The following GYG1 variants were observed in gnomAD, a reference collection of about 807,000 sequenced individuals.
GYG1 encodes the protein glycogenin-1.
Under a neutral mutation model 41.9 loss-of-function variants are expected in GYG1, and 44 were observed. That is an observed-to-expected ratio of 1.05 (90% CI 0.83 to 1.35). The LOEUF is 1.35. Among genes scored for constraint, GYG1 ranks in the 40% most tolerant of loss-of-function variants. The probability of loss-of-function intolerance (pLI) is 0.00; values close to 1 mark genes in which losing one functional copy is unlikely to be tolerated. For synonymous variants in GYG1, 141 were observed against 158.1 expected (o/e 0.89, Z 0.81); for missense variants, 429 against 418.9 (o/e 1.02, Z -0.21).
At chr3:149,015,567 A>T (rs1008189165) in intron 5 of GYG1, among the ~76,000 whole-genome samples, 1 of 152,198 alleles carries the variant, frequency 6.6e-6, no homozygotes, top group African/African-American at 2.4e-5. Context: ...GCTCACAGAT[A>T]TGAGGTCAGA....
chr3:149,015,770 T>TG (rs1181374226), intron 5 of GYG1, among the ~76,000 whole-genome samples: 1 of 152,084 alleles, frequency 6.6e-6, no homozygotes, highest in Non-Finnish European at 1.5e-5. Flanking sequence ...GGCAGCTGGA[T>TG]GGGAATGTAG....
At chr3:149,016,975 C>T (rs1187053356) in intron 5 of GYG1, among the ~76,000 whole-genome samples, 1 of 152,056 alleles carries the variant, frequency 6.6e-6, no homozygotes, top group African/African-American at 2.4e-5. Context: ...AGAGAAGTGT[C>T]GCACAAGCAG....
At chr3:149,016,766 G>C (rs1714073414) in intron 5 of GYG1, among the ~76,000 whole-genome samples, 1 of 152,178 alleles carries the variant, frequency 6.6e-6, no homozygotes, top group Non-Finnish European at 1.5e-5. Flanking sequence ...TGGTTACTTG[G>C]GTTTGTGACT....
chr3:149,006,330 C>G (rs1172579541), intron 4 of GYG1, among the ~76,000 whole-genome samples: 1 of 152,120 alleles, frequency 6.6e-6, no homozygotes, highest in African/African-American at 2.4e-5. Flanking sequence ...ATCCACCCAC[C>G]TCGGCCTCCC....
At chr3:149,023,488 G>A (rs550873367) in intron 5 of GYG1, among the ~76,000 whole-genome samples, 3 of 152,204 alleles carry the variant, frequency 2.0e-5, no homozygotes, top group Admixed American at 2.0e-4. Flanking sequence ...CTGCTGGATT[G>A]TACAGCATGA....
chr3:149,006,438 AC>A (rs1486777308), intron 4 of GYG1, among the ~76,000 whole-genome samples: 1 of 152,166 alleles, frequency 6.6e-6, no homozygotes, highest in Non-Finnish European at 1.5e-5. Flanking sequence ...TCCCCTGGCA[AC>A]CATTAATTTG....
intron 5 of GYG1, among the ~76,000 whole-genome samples, chr3:149,018,180 C>T (rs536073197): frequency 1.3e-5 from 2 of 152,198 alleles, no homozygotes; most frequent in East Asian, 3.9e-4. Context: ...AGACATTTCT[C>T]AGAGAACGTA....
chr3:148,996,626 G>T (rs1712808551), intron 3 of GYG1, 116 bp from the exon 4 acceptor site: 2 of 1,179,570 alleles, frequency 1.7e-6, no homozygotes, highest in East Asian at 2.3e-5. Context: ...AGGAGAGGAG[G>T]CCCAGGCTGC....
chr3:149,027,024 A>G lies in GYG1; in HGVS notation c.*91A>G, dbSNP rs191817695. On this transcript the variant is annotated 3_prime_UTR_variant, in exon 8 of 8. Transcript: ENST00000345003. Reference sequence around the variant, plus strand: ...AGCTGGGTTGAGAAAAGTCTGTTACAGTTGCTAGAGGTTTTCATTAAAACT... The same window carrying G: ...AGCTGGGTTGAGAAAAGTCTGTTACGGTTGCTAGAGGTTTTCATTAAAACT... 2.5e-3 allele frequency: 3,376 copies of G among 1,352,218 alleles called. 10 individuals are homozygous for G. The highest frequency in any genetic ancestry group is 3.2e-3 in the Non-Finnish European group (2,977 of 942,900). The allele number at this position is 1,352,218 out of a possible 1,614,324, so 83.8% of individuals were successfully genotyped here. A position where few individuals can be genotyped will look rare whatever the true frequency, so the allele number is the denominator to read the frequency against.
chr3:149,016,267 A>AAC (rs1211917634), intron 5 of GYG1, among the ~76,000 whole-genome samples: 3 of 151,352 alleles, frequency 2.0e-5, no homozygotes, highest in Non-Finnish European at 4.4e-5. Flanking sequence ...TCTCAAAAAA[A>AAC]AAAAAAAAAC....
intron 4 of GYG1, 150 bp downstream of exon 4, chr3:148,997,054 T>TGTG (rs1000559674): frequency 3.6e-5 from 22 of 606,864 alleles, no homozygotes; most frequent in African/African-American, 3.6e-4. Flanking sequence ...CTGGGAAATA[T>TGTG]TGTGTGTGTG....
chr3:149,007,752 T>C (rs1247227142), intron 4 of GYG1, among the ~76,000 whole-genome samples: 2 of 152,218 alleles, frequency 1.3e-5, no homozygotes, highest in Non-Finnish European at 2.9e-5. Flanking sequence ...GCAGTATTCC[T>C]GCCTGATGCT....
At chr3:148,998,331 A>G (rs1302628859) in intron 4 of GYG1, among the ~76,000 whole-genome samples, 1 of 152,208 alleles carries the variant, frequency 6.6e-6, no homozygotes, top group African/African-American at 2.4e-5. Context: ...ATGTCCCCCA[A>G]AGGACATTTG....
At chr3:148,998,579 G>C (rs893911161) in intron 4 of GYG1, among the ~76,000 whole-genome samples, 7 of 152,198 alleles carry the variant, frequency 4.6e-5, no homozygotes, top group Non-Finnish European at 1.0e-4. Context: ...CTAACAAGAA[G>C]TGAAGTCTTG....
intron 1 of GYG1, among the ~76,000 whole-genome samples, chr3:148,993,733 A>T (rs1021276034): frequency 6.6e-6 from 1 of 152,214 alleles, no homozygotes; most frequent in African/African-American, 2.4e-5. Context: ...GACTGACTGA[A>T]TTGAGTTTGA....
intron 4 of GYG1, among the ~76,000 whole-genome samples, chr3:149,006,372 C>A (rs149719986): frequency 6.6e-6 from 1 of 152,246 alleles, no homozygotes; most frequent in Non-Finnish European, 1.5e-5. Flanking sequence ...TGAGCCACTG[C>A]GCCTGGCCCA....
intron 4 of GYG1, chr3:149,003,987 C>T (rs932238203): frequency 2.0e-4 from 31 of 152,330 alleles, no homozygotes; most frequent in Admixed American, 5.9e-4. Flanking sequence ...TAAATGCATC[C>T]ATGGTTACCA....
At chr3:148,993,101 A>C (rs559875902) in intron 1 of GYG1, among the ~76,000 whole-genome samples, 1 of 152,056 alleles carries the variant, frequency 6.6e-6, no homozygotes, top group African/African-American at 2.4e-5. Context: ...GAAGTGTCCT[A>C]TGCATTTGGA....
Position 149,028,424 on chromosome 3 carries a change from C to G in GYG1, c.*1491C>G, listed in dbSNP as rs1406988234. 6.6e-6 allele frequency among the ~76,000 whole-genome samples: 1 copy of G among 152,106 alleles called. No homozygotes were observed. The highest frequency in any genetic ancestry group is 1.5e-5 in the Non-Finnish European group (1 of 68,002). On this transcript the variant is annotated 3_prime_UTR_variant, in exon 8 of 8. Transcript: ENST00000345003. Reference sequence around the variant, plus strand: ...ATGAGTCGCTATTGATCTTCAAGTACAATGAAGCATTTACCAAAGATTTAT... The same window carrying G: ...ATGAGTCGCTATTGATCTTCAAGTAGAATGAAGCATTTACCAAAGATTTAT...
Sources: allele counts gnomAD v4.1 joint callset (sites outside exome capture counted in the v4.1 genomes callset), GRCh38; gene constraint gnomAD v4.1.1; transcripts MANE v1.5; gene names NCBI Gene and HGNC (gene_info 2026-07-23, HGNC 2026-07-21).